The following WNK2 variants were observed in gnomAD, a reference collection of about 807,000 sequenced individuals.
The protein encoded by WNK2 is WNK lysine deficient protein kinase 2.
In WNK2, 67 loss-of-function variants were observed where a neutral mutation model predicts 192.1. The ratio of observed to expected loss-of-function variants is 0.35; its 90% CI spans 0.29 to 0.43. The LOEUF is 0.43. WNK2 is among the 20% of genes least tolerant of loss of function. The probability of loss-of-function intolerance (pLI) is 1.00; values close to 1 mark genes in which losing one functional copy is unlikely to be tolerated. For synonymous variants in WNK2, 1,439 were observed against 1,393.9 expected (o/e 1.03, Z -0.72); for missense variants, 2,698 against 3,089.7 (o/e 0.87, Z 3.01).
At chr9:93,198,530 G>A (rs910062012) in intron 2 of WNK2, among the ~76,000 whole-genome samples, 17 of 152,134 alleles carry the variant, frequency 1.1e-4, no homozygotes, top group Admixed American at 4.6e-4. Flanking sequence ...AGTTGGGGGA[G>A]TGTGCCCGGG....
intron 29 of WNK2, among the ~76,000 whole-genome samples, chr9:93,319,892 C>T (rs74718752): frequency 1.3e-5 from 2 of 152,342 alleles, no homozygotes; most frequent in East Asian, 1.9e-4. Context: ...ACTGTGGTCC[C>T]TCCTGCGTGT....
At chr9:93,301,695 G>A (rs1389967621) in intron 26 of WNK2, among the ~76,000 whole-genome samples, 1 of 152,174 alleles carries the variant, frequency 6.6e-6, no homozygotes, top group Non-Finnish European at 1.5e-5. Flanking sequence ...CTCCTCTTCC[G>A]GCTCCTGCAT....
intron 2 of WNK2, among the ~76,000 whole-genome samples, chr9:93,207,471 C>A (rs569195411): frequency 6.6e-6 from 1 of 152,292 alleles, no homozygotes; most frequent in Admixed American, 6.5e-5. Context: ...CCAGTGCACG[C>A]CCAGGGTGAT....
intron 9 of WNK2, among the ~76,000 whole-genome samples, chr9:93,254,329 C>T (rs907874075): frequency 6.6e-6 from 1 of 152,358 alleles, no homozygotes; most frequent in Non-Finnish European, 1.5e-5. Flanking sequence ...CTTCTTCCCT[C>T]GTGAGCAGCT....
chr9:93,189,901 A>G (rs1830021789), intron 2 of WNK2, among the ~76,000 whole-genome samples: 2 of 152,154 alleles, frequency 1.3e-5, no homozygotes, highest in Admixed American at 1.3e-4. Flanking sequence ...TGAAATGGGG[A>G]GAAGAGGAGA....
intron 21 of WNK2, among the ~76,000 whole-genome samples, chr9:93,291,423 G>A (rs971574233): frequency 3.3e-5 from 5 of 152,200 alleles, no homozygotes; most frequent in African/African-American, 1.2e-4. Flanking sequence ...GACCTTTCCT[G>A]GAGGTTGGAG....
intron 2 of WNK2, among the ~76,000 whole-genome samples, chr9:93,186,626 G>A (rs1345546465): frequency 2.0e-5 from 3 of 152,214 alleles, no homozygotes; most frequent in Non-Finnish European, 2.9e-5. Flanking sequence ...GTGTTCTGGG[G>A]CCGCTGGCCA....
rs770716459 is a variant in WNK2, at chr9:93,289,248, C to G, written c.4494C>G (p.Pro1498=). The G allele has an allele frequency of 6.2e-7, 1 of 1,604,332 alleles. No homozygotes were observed. Among genetic ancestry groups the G allele is most frequent in the East Asian group, 2.2e-5 (1 of 44,572 alleles). The part of the protein sequence containing the change: ...TPQPALGQPA[P]LLPAAVGAVS... ...AGCCCGCCTTGGGTCAACCTGCTCC[C>G]CTGCTTCCTGCCGCAGTGGGGGCCG... Residue 1498 remains proline, a synonymous_variant, in exon 20 of 30, where the codon CCC becomes CCG. Transcript: ENST00000427277.
At chr9:93,277,245 G>A (rs1847068811) in intron 19 of WNK2, among the ~76,000 whole-genome samples, 1 of 152,168 alleles carries the variant, frequency 6.6e-6, no homozygotes, top group Admixed American at 6.5e-5. Context: ...CTGTGGAACA[G>A]CTGGAACTCA....
At chr9:93,284,118 C>T (rs996586080) in intron 19 of WNK2, among the ~76,000 whole-genome samples, 1 of 152,182 alleles carries the variant, frequency 6.6e-6, no homozygotes, top group Non-Finnish European at 1.5e-5. Flanking sequence ...AAAGTTTCAG[C>T]TTGATGGCTT....
chr9:93,299,324 C>T, intron 25 of WNK2, 63 bp downstream of exon 25: 1 of 1,506,652 alleles, frequency 6.6e-7, no homozygotes, highest in South Asian at 1.3e-5. Context: ...GTGGTGTCCC[C>T]AGGAGCACGC....
At chr9:93,310,012 A>G (rs965390041) in intron 28 of WNK2, among the ~76,000 whole-genome samples, 1 of 152,102 alleles carries the variant, frequency 6.6e-6, no homozygotes, top group African/African-American at 2.4e-5. Flanking sequence ...GTGGTAGGAG[A>G]GCAGACTTAG....
At chr9:93,262,320 A>T (rs577988379) in intron 13 of WNK2, among the ~76,000 whole-genome samples, 1 of 152,372 alleles carries the variant, frequency 6.6e-6, no homozygotes, top group South Asian at 2.1e-4. Flanking sequence ...GGTTTAGAGG[A>T]TGCTTTCCCT....
chr9:93,268,910 C>G, intron 19 of WNK2, 164 bp downstream of exon 19: 2 of 1,561,718 alleles, frequency 1.3e-6, no homozygotes, highest in Admixed American at 3.8e-5. Context: ...TGTTCCTATC[C>G]TTGTTTTCTG....
intron 16 of WNK2, among the ~76,000 whole-genome samples, chr9:93,267,432 A>G (rs1463648041): frequency 2.0e-5 from 3 of 151,828 alleles, no homozygotes; most frequent in Non-Finnish European, 2.9e-5. Flanking sequence ...CCTGCATCCT[A>G]TGCACTTACC....
At chr9:93,256,838 G>A in intron 10 of WNK2, 110 bp from the exon 11 acceptor site, 1 of 999,966 alleles carries the variant, frequency 1.0e-6, no homozygotes, top group Non-Finnish European at 1.4e-6. Context: ...ATGTGAGCAT[G>A]TGCGTGTGCA....
At chr9:93,227,228 C>G (rs139305108) in intron 2 of WNK2, among the ~76,000 whole-genome samples, 1 of 152,014 alleles carries the variant, frequency 6.6e-6, no homozygotes, top group Non-Finnish European at 1.5e-5. Context: ...ATTCTCCTAC[C>G]TCAGCCTCCC....
intron 16 of WNK2, among the ~76,000 whole-genome samples, chr9:93,267,463 C>T (rs533431261): frequency 2.9e-4 from 44 of 152,306 alleles, no homozygotes; most frequent in Non-Finnish European, 4.0e-4. Context: ...ATGGCTGGAC[C>T]GGCCTCAGGG....
At chr9:93,215,190 C>T (rs759008528) in intron 2 of WNK2, among the ~76,000 whole-genome samples, 5 of 152,084 alleles carry the variant, frequency 3.3e-5, no homozygotes, top group African/African-American at 7.2e-5. Flanking sequence ...GGCGCGATCT[C>T]GGCTCACTGC....
Sources: allele counts gnomAD v4.1 joint callset (sites outside exome capture counted in the v4.1 genomes callset), GRCh38; gene constraint gnomAD v4.1.1; transcripts MANE v1.5; gene names NCBI Gene and HGNC (gene_info 2026-07-23, HGNC 2026-07-21).